The following ACOT12 variants were observed in gnomAD, a reference collection of about 807,000 sequenced individuals.
ACOT12 encodes the protein acetyl-coenzyme A thioesterase.
ACOT12 carries 51 observed loss-of-function variants against 67.7 expected under a neutral mutation model. That is an observed-to-expected ratio of 0.75 (90% confidence interval 0.60 to 0.95). ACOT12 has a LOEUF of 0.95. Ranked by LOEUF, ACOT12 falls within the 40% of genes least tolerant of loss-of-function variation. The probability of loss-of-function intolerance (pLI) is 0.00; values close to 1 mark genes in which losing one functional copy is unlikely to be tolerated. For missense variants in ACOT12, 734 were observed against 708.1 expected (o/e 1.04, Z -0.41); for synonymous variants, 251 against 244.6 (o/e 1.03, Z -0.24).
the ACOT12 span, chr5:81,308,981 G>A: frequency 6.2e-7 from 1 of 1,613,504 alleles, no homozygotes; most frequent in South Asian, 1.1e-5. Context: ...TGTTTGTGGA[G>A]AAATGGGGCA....
chr5:81,359,400 G>T (rs138691005), intron 5 of ACOT12, among the ~76,000 whole-genome samples: 1 of 152,152 alleles, frequency 6.6e-6, no homozygotes, highest in African/African-American at 2.4e-5. Flanking sequence ...CTCATAAAAC[G>T]CAGGGTGATT....
Position 81,363,775 on chromosome 5 carries a change from A to G in ACOT12, c.360+13T>C, listed in dbSNP as rs1471758219. ...AATTACATGCTAGATACATCTTCAC[A>G]TACAAAATTTACCTTTTCTTTTCCA... On this transcript the variant is annotated intron_variant, in intron 4 of 14. Coordinates refer to ENST00000307624, the MANE Select transcript of ACOT12 (RefSeq NM_130767.3). The G allele has an allele frequency of 2.5e-6, 4 of 1,597,190 alleles. No individual in the cohort carries two copies. Among genetic ancestry groups the G allele is most frequent in the Non-Finnish European group, 3.4e-6 (4 of 1,169,998 alleles).
At chr5:81,350,310 CT>C (rs1376831150) in intron 5 of ACOT12, among the ~76,000 whole-genome samples, 9 of 152,016 alleles carry the variant, frequency 5.9e-5, no homozygotes, top group Admixed American at 5.9e-4. Context: ...TAGAAATCGT[CT>C]TTGTTTCTTT....
chr5:81,362,448 G>A (rs752203164), intron 4 of ACOT12, among the ~76,000 whole-genome samples: 15 of 152,188 alleles, frequency 9.9e-5, no homozygotes, highest in Non-Finnish European at 2.1e-4. Flanking sequence ...TTACAGGCAT[G>A]AGCCACCATG....
At position 81,385,759 on chromosome 5, in the gene ACOT12, A is replaced by T. The variant is rs544924341; in HGVS notation, c.195T>A (p.Ala65=). 3.2e-5 allele frequency: 52 copies of T among 1,613,976 alleles called. 1 individual carries two copies. The South Asian group carries it at 5.4e-4, about 17-fold the overall frequency. The change falls in exon 2 of 15, where the codon GCT becomes GCA. Residue 65 remains alanine (A), a splice_region_variant and synonymous_variant. Coordinates refer to ENST00000307624, the MANE Select transcript of ACOT12 (RefSeq NM_130767.3). ...AGCCATGGAGCAATGTCACTTACCTAGCTGTCTCCTCAAACTGTATGTCAT... is the reference window on the plus strand; with the variant it reads ...AGCCATGGAGCAATGTCACTTACCTTGCTGTCTCCTCAAACTGTATGTCAT... ...SVDDIQFEET[A]RVGQVITIKA... is the part of the protein sequence containing the mutation.
intron 9 of ACOT12, 70 bp downstream of exon 9, chr5:81,344,090 A>AG: frequency 6.7e-7 from 1 of 1,492,964 alleles, no homozygotes; most frequent in African/African-American, 1.4e-5. Context: ...AGAGACCCAG[A>AG]GGGGGGCTCT....
At chr5:81,392,474 A>T (rs757179609) in intron 1 of ACOT12, among the ~76,000 whole-genome samples, 1 of 152,188 alleles carries the variant, frequency 6.6e-6, no homozygotes, top group African/African-American at 2.4e-5. Context: ...AGAGTAATTG[A>T]TTGTCAATTG....
intron 11 of ACOT12, 70 bp from the exon 12 acceptor site, chr5:81,335,971 T>G: frequency 3.1e-5 from 44 of 1,434,046 alleles, no homozygotes; most frequent in Non-Finnish European, 3.6e-5. Flanking sequence ...CATATGCATA[T>G]ATATGTAGTC....
intron 12 of ACOT12, among the ~76,000 whole-genome samples, chr5:81,333,235 G>C (rs762113827): frequency 2.6e-5 from 4 of 152,080 alleles, no homozygotes; most frequent in African/African-American, 4.8e-5. Flanking sequence ...TTTTCTCCAG[G>C]ATCAAGTAAA....
At chr5:81,344,749 A>T in intron 8 of ACOT12, 142 bp downstream of exon 8, 1 of 1,062,544 alleles carries the variant, frequency 9.4e-7, no homozygotes, top group Non-Finnish European at 1.4e-6. Context: ...GAAAAGAAAA[A>T]AGCCCACTTC....
At chr5:81,308,972 G>A in the ACOT12 span, 5 of 1,613,218 alleles carry the variant, frequency 3.1e-6, no homozygotes, top group African/African-American at 6.7e-5. Flanking sequence ...AAAATGTTTT[G>A]TTTGTGGAGA....
At chr5:81,361,365 T>C (rs1759904179) in intron 4 of ACOT12, among the ~76,000 whole-genome samples, 1 of 151,960 alleles carries the variant, frequency 6.6e-6, no homozygotes, top group African/African-American at 2.4e-5. Flanking sequence ...TGGCTAATTT[T>C]TTTATATTTA....
At chr5:81,352,811 T>G (rs1327503534) in intron 5 of ACOT12, among the ~76,000 whole-genome samples, 5 of 152,202 alleles carry the variant, frequency 3.3e-5, no homozygotes, top group South Asian at 2.1e-4. Context: ...TTATTGCACA[T>G]TTGTATGCTT....
downstream of ACOT12, among the ~76,000 whole-genome samples, chr5:81,325,939 G>C (rs1356414434): frequency 1.3e-5 from 2 of 151,506 alleles, no homozygotes; most frequent in African/African-American, 4.9e-5. Context: ...CCTCCCAAGT[G>C]GCTGGGACTA....
At position 81,344,225 on chromosome 5, in the gene ACOT12, A is replaced by G. The variant is rs774408978; in HGVS notation, c.925-10T>C. ...AGCGTCTGAAATCATCCTTTAATCA[A>G]AAACAAAGTAAAATCAATAAAATAA... is the stretch of plus-strand genomic sequence containing the variant. On this transcript the variant is annotated splice_polypyrimidine_tract_variant and intron_variant, in intron 8 of 14. Transcript: ENST00000307624. 9.3e-6 allele frequency: 15 copies of G among 1,610,214 alleles called. No homozygotes were observed. Among genetic ancestry groups the G allele is most frequent in the Admixed American group, 3.4e-5 (2 of 59,240 alleles).
the ACOT12 span, chr5:81,313,113 G>C: frequency 1.3e-5 from 2 of 152,072 alleles, no homozygotes; most frequent in Non-Finnish European, 2.9e-5. Context: ...TTTAAAGTAC[G>C]GAATAAAAAT....
At chr5:81,331,396 C>G (rs984736108) in intron 13 of ACOT12, among the ~76,000 whole-genome samples, 21 of 152,068 alleles carry the variant, frequency 1.4e-4, no homozygotes, top group Admixed American at 2.0e-4. Flanking sequence ...AATTAGCTGA[C>G]CATGGTGGCG....
chr5:81,311,280 G>A, the ACOT12 span: 1 of 1,613,914 alleles, frequency 6.2e-7, no homozygotes, highest in Non-Finnish European at 8.5e-7. Flanking sequence ...CAGAATTCAG[G>A]TGAGATCTCT....
the ACOT12 span, among the ~76,000 whole-genome samples, chr5:81,321,471 A>C: frequency 6.6e-6 from 1 of 152,324 alleles, no homozygotes; most frequent in African/African-American, 2.4e-5. Context: ...TATAACATTC[A>C]GACCATAGCC....
Sources: gnomAD v4.1 joint callset for allele counts (sites outside exome capture counted in the v4.1 genomes callset) on GRCh38, gnomAD v4.1.1 for gene constraint, MANE v1.5 for transcripts, NCBI Gene and HGNC (gene_info 2026-07-23, HGNC 2026-07-21) for gene names.